Variants in THSD4 observed in about 807,000 individuals in gnomAD.
THSD4 encodes the protein thrombospondin type-1 domain-containing protein 4.
Under a neutral mutation model 119.0 loss-of-function variants are expected in THSD4, and 69 were observed. The observed-to-expected ratio is 0.58, with a 90% CI of 0.48 to 0.71. The LOEUF is 0.71. Ranked by LOEUF, THSD4 falls within the 30% of genes least tolerant of loss-of-function variation. The pLI is 0.00. For missense variants in THSD4, 1,393 were observed against 1,391.1 expected (o/e 1.00, Z -0.02); for synonymous variants, 524 against 540.4 (o/e 0.97, Z 0.42).
In THSD4 at chr15:71,746,847, C is replaced by T. The variant is rs746740368; in HGVS notation, c.2046C>T (p.Ile682=). Reference sequence around the variant, plus strand: ...CTCATTCCTGAACCAGCTGGGACATCGGGGAGTGGTCTGAGTGCAGCAAGA... The same window carrying T: ...CTCATTCCTGAACCAGCTGGGACATTGGGGAGTGGTCTGAGTGCAGCAAGA... ...NIFPCPAFWD[I]GEWSECSKTC... The change falls in exon 13 of 18, where the codon ATC becomes ATT. Residue 682 remains isoleucine, a synonymous_variant. Coordinates refer to ENST00000261862, the MANE Select transcript of THSD4 (RefSeq NM_024817.3). The T allele has an allele frequency of 1.6e-5, 26 of 1,613,718 alleles. No homozygotes were observed. The highest frequency in any genetic ancestry group is 1.3e-5 in the African/African-American group (1 of 74,940).
At chr15:71,593,912 A>AC (rs58360970) in intron 7 of THSD4, among the ~76,000 whole-genome samples, 55,094 of 139,684 alleles carry the variant, frequency 0.39, 10,849 homozygotes, top group Middle Eastern at 0.5. Flanking sequence ...ACCCCTTCCC[A>AC]CCCCCCCGGC....
Position 71,586,585 on chromosome 15 carries a change from G to A in THSD4, c.1153-73945G>A, listed in dbSNP as rs939371645. Among the ~76,000 whole-genome samples the A allele has an allele frequency of 1.2e-4, 19 of 152,220 alleles. No individual in the cohort carries two copies. In the East Asian group the frequency reaches 2.7e-3, roughly 22 times the overall value. On this transcript the variant is annotated intron_variant, in intron 7 of 17. Coordinates refer to ENST00000261862, the MANE Select transcript of THSD4 (RefSeq NM_024817.3). ...CTTTGTCTTCAATCAGAAACAGCAT[G>A]CTAAATCCTTCTCATACTTCAAACC... is the stretch of plus-strand genomic sequence containing the variant.
intron 7 of THSD4, among the ~76,000 whole-genome samples, chr15:71,492,734 C>T (rs979145757): frequency 2.7e-5 from 4 of 149,702 alleles, no homozygotes; most frequent in Admixed American, 1.3e-4. Context: ...CAGAGTTAGC[C>T]CAGGGTCTTT....
intron 5 of THSD4, among the ~76,000 whole-genome samples, chr15:71,254,447 G>A (rs903135476): frequency 1.3e-5 from 2 of 152,204 alleles, no homozygotes; most frequent in Admixed American, 6.5e-5. Context: ...GCCCTTCATC[G>A]CTGCTGCACA....
intron 8 of THSD4, among the ~76,000 whole-genome samples, chr15:71,693,401 C>T (rs2141055675): frequency 6.6e-6 from 1 of 152,318 alleles, no homozygotes; most frequent in East Asian, 1.9e-4. Flanking sequence ...AATCCCAGCA[C>T]TTTGGGAGGC....
chr15:71,484,181 A>G (rs769566287), intron 7 of THSD4, among the ~76,000 whole-genome samples: 1 of 152,186 alleles, frequency 6.6e-6, no homozygotes, highest in Non-Finnish European at 1.5e-5. Context: ...ATATTTTTCT[A>G]TGAAATTCCT....
At chr15:71,170,367 G>A (rs1467054530) in intron 3 of THSD4, among the ~76,000 whole-genome samples, 1 of 152,106 alleles carries the variant, frequency 6.6e-6, no homozygotes, top group Non-Finnish European at 1.5e-5. Context: ...AAAGAACAGT[G>A]CCCAGCATTC....
At chr15:71,247,972 C>G (rs1426598739) in intron 5 of THSD4, among the ~76,000 whole-genome samples, 4 of 152,172 alleles carry the variant, frequency 2.6e-5, no homozygotes, top group Admixed American at 6.5e-5. Flanking sequence ...GAACAACAAC[C>G]CTTTTCTGGC....
At chr15:71,277,457 GC>G (rs1177192447) in intron 6 of THSD4, among the ~76,000 whole-genome samples, 1 of 152,110 alleles carries the variant, frequency 6.6e-6, no homozygotes, top group Non-Finnish European at 1.5e-5. Context: ...AAACCCAGCT[GC>G]CTTCAGCCTA....
At chr15:71,307,707 G>A (rs1890940136) in intron 6 of THSD4, among the ~76,000 whole-genome samples, 1 of 152,214 alleles carries the variant, frequency 6.6e-6, no homozygotes, top group Non-Finnish European at 1.5e-5. Flanking sequence ...GGTGGAGGTT[G>A]CAGTGAGCTG....
chr15:71,749,639 A>C lies in THSD4; in HGVS notation c.2415+1045A>C, dbSNP rs936655358. The stretch of plus-strand genomic sequence containing the variant: ...GTCTGAGGCAGCAGGTGTGGGGAGG[A>C]GCCAGGGATTCTACATTTATTTTCT... On this transcript the variant is annotated intron_variant, in intron 14 of 17. Transcript: ENST00000261862. 2.0e-5 allele frequency among the ~76,000 whole-genome samples: 3 copies of C among 151,762 alleles called. No homozygotes were observed. The East Asian group carries it at 5.8e-4, about 29-fold the overall frequency.
intron 1 of THSD4, among the ~76,000 whole-genome samples, chr15:71,131,551 A>G (rs573319953): frequency 6.6e-6 from 1 of 152,224 alleles, no homozygotes; most frequent in South Asian, 2.1e-4. Context: ...TTCACAGAAG[A>G]GACAGTATAC....
At chr15:71,407,043 C>T (rs905792714) in intron 6 of THSD4, among the ~76,000 whole-genome samples, 7 of 152,098 alleles carry the variant, frequency 4.6e-5, no homozygotes, top group Non-Finnish European at 8.8e-5. Flanking sequence ...GATGGATTGA[C>T]TCTTTTATTA....
chr15:71,625,288 G>A (rs1215542653), intron 7 of THSD4, among the ~76,000 whole-genome samples: 4 of 152,180 alleles, frequency 2.6e-5, no homozygotes, highest in African/African-American at 4.8e-5. Context: ...GATTACAGGT[G>A]TGAGCCACCA....
chr15:71,109,869 T>C (rs1331079805), intron 1 of THSD4, among the ~76,000 whole-genome samples: 5 of 152,290 alleles, frequency 3.3e-5, no homozygotes, highest in African/African-American at 9.6e-5. Context: ...GGCAAAGCCA[T>C]GAACTTGGAG....
At chr15:71,365,623 T>C (rs2045951861) in intron 6 of THSD4, among the ~76,000 whole-genome samples, 1 of 152,172 alleles carries the variant, frequency 6.6e-6, no homozygotes, top group Non-Finnish European at 1.5e-5. Flanking sequence ...GGAGGCCTTA[T>C]GGTATGATAG....
At chr15:71,189,248 G>A (rs911789979) in intron 3 of THSD4, among the ~76,000 whole-genome samples, 5 of 152,172 alleles carry the variant, frequency 3.3e-5, no homozygotes, top group African/African-American at 1.2e-4. Context: ...CATCAAGCAG[G>A]TCTCTATGAA....
chr15:71,107,887 G>A (rs1054287405), intron 1 of THSD4, among the ~76,000 whole-genome samples: 1 of 152,160 alleles, frequency 6.6e-6, no homozygotes, highest in Admixed American at 6.6e-5. Context: ...GGCTCAGCAG[G>A]GTTAAGCCAC....
chr15:71,526,766 G>T (rs1350533300), intron 7 of THSD4, among the ~76,000 whole-genome samples: 1 of 152,164 alleles, frequency 6.6e-6, no homozygotes, highest in East Asian at 1.9e-4. Context: ...CAGGTATTCT[G>T]CCAAATTTTG....
Sources: allele counts gnomAD v4.1 joint callset (sites outside exome capture counted in the v4.1 genomes callset), GRCh38; gene constraint gnomAD v4.1.1; transcripts MANE v1.5; gene names NCBI Gene and HGNC (gene_info 2026-07-23, HGNC 2026-07-21).